Variants in TMEM132D observed in about 807,000 individuals in gnomAD.
The protein encoded by TMEM132D is transmembrane protein 132D.
Under a neutral mutation model 62.3 loss-of-function variants are expected in TMEM132D, and 21 were observed. The observed-to-expected ratio is 0.34, with a 90% CI of 0.24 to 0.49. The LOEUF is 0.49. Ranked by LOEUF, TMEM132D falls within the 20% of genes least tolerant of loss-of-function variation. The pLI is 0.99. For missense variants in TMEM132D, 1,346 were observed against 1,402.8 expected, an observed-to-expected ratio of 0.96 and a Z score of 0.65; for synonymous variants, 621 against 575.6, an observed-to-expected ratio of 1.08 and a Z score of -1.13.
At chr12:129,140,912 G>C (rs138853819) in intron 5 of TMEM132D, among the ~76,000 whole-genome samples, 1 of 152,016 alleles carries the variant, frequency 6.6e-6, no homozygotes, top group Non-Finnish European at 1.5e-5. Context: ...TTCTGATCGC[G>C]AGGAAGCATT....
chr12:129,495,687 G>T (rs1255856046), intron 3 of TMEM132D, among the ~76,000 whole-genome samples: 1 of 152,140 alleles, frequency 6.6e-6, no homozygotes, highest in African/African-American at 2.4e-5. Flanking sequence ...TGTGAGCAAT[G>T]GGTATGTCAC....
chr12:129,868,967 T>C (rs1173069901), intron 1 of TMEM132D, among the ~76,000 whole-genome samples: 4 of 152,052 alleles, frequency 2.6e-5, no homozygotes, highest in African/African-American at 4.8e-5. Flanking sequence ...GAATCTGAAC[T>C]CTGCTTAGCA....
intron 3 of TMEM132D, among the ~76,000 whole-genome samples, chr12:129,432,484 G>A (rs1872690340): frequency 6.6e-6 from 1 of 152,252 alleles, no homozygotes; most frequent in Non-Finnish European, 1.5e-5. Context: ...AGACATAGCA[G>A]TCATTTGCCA....
intron 4 of TMEM132D, among the ~76,000 whole-genome samples, chr12:129,270,972 C>T (rs575495847): frequency 6.6e-6 from 1 of 152,290 alleles, no homozygotes; most frequent in South Asian, 2.1e-4. Context: ...AATGTTCCTG[C>T]CACCTGTGGT....
At position 129,610,346 on chromosome 12, in the gene TMEM132D, A is replaced by G. The variant is rs1481746030; in HGVS notation, c.969-79141T>C. On this transcript the variant is annotated intron_variant, in intron 2 of 8. Transcript: ENST00000422113. ...GTACATTATTGAATTGATTGAATTG[A>G]CACGTGCATTATACATTCTTCTATC... 3.3e-5 allele frequency among the ~76,000 whole-genome samples: 5 copies of G among 151,998 alleles called. No individual in the cohort carries two copies. The East Asian group carries it at 9.6e-4, about 29-fold the overall frequency.
Position 129,078,543 on chromosome 12 carries a change from C to T in TMEM132D, c.2106G>A (p.Arg702=), listed in dbSNP as rs2135610958. Residue 702 remains arginine, a synonymous_variant, in exon 8 of 9, where the codon AGG becomes AGA. Transcript: ENST00000422113. ...ATAVAQELLQ[R]PKQEAAISCW... ...AAGCCCTCCTCCATACCTGTTTTGG[C>T]CTCTGCAGAAGTTCCTGAGCCACTG... 1.2e-6 allele frequency: 2 copies of T among 1,613,446 alleles called. No individual in the cohort carries two copies. Among genetic ancestry groups the T allele is most frequent in the Admixed American group, 1.7e-5 (1 of 60,014 alleles).
chr12:129,308,472 A>T (rs902104688), intron 4 of TMEM132D, among the ~76,000 whole-genome samples: 2 of 152,196 alleles, frequency 1.3e-5, no homozygotes, highest in African/African-American at 2.4e-5. Flanking sequence ...AGGGCAATTC[A>T]TTAATTAATT....
At chr12:129,712,936 T>C (rs545884402) in intron 1 of TMEM132D, among the ~76,000 whole-genome samples, 1 of 152,118 alleles carries the variant, frequency 6.6e-6, no homozygotes, top group Non-Finnish European at 1.5e-5. Flanking sequence ...CCAAGTGACC[T>C]TAGTGCCATC....
intron 3 of TMEM132D, among the ~76,000 whole-genome samples, chr12:129,482,817 T>C (rs946489464): frequency 3.3e-5 from 5 of 152,150 alleles, no homozygotes; most frequent in Admixed American, 1.3e-4. Flanking sequence ...AAAAGTTTCA[T>C]TAGCCTTTTT....
At chr12:129,788,384 T>C (rs996030427) in intron 1 of TMEM132D, among the ~76,000 whole-genome samples, 3 of 152,244 alleles carry the variant, frequency 2.0e-5, no homozygotes, top group Non-Finnish European at 1.5e-5. Flanking sequence ...CAAATGCATA[T>C]TGTTTAGTTG....
Position 129,142,016 on chromosome 12 carries a change from T to C in TMEM132D, c.1444-57314A>G, listed in dbSNP as rs373055779. The stretch of plus-strand genomic sequence containing the variant: ...TAACAATATTAAATATATATATAAA[T>C]ATATATATTTTTAAAAAATAGACTG... On this transcript the variant is annotated intron_variant, in intron 5 of 8. Coordinates refer to ENST00000422113, the MANE Select transcript of TMEM132D (RefSeq NM_133448.3). 6.1e-5 allele frequency among the ~76,000 whole-genome samples: 9 copies of C among 148,180 alleles called. No individual in the cohort carries two copies. In the East Asian group the frequency reaches 1.8e-3, roughly 29 times the overall value.
chr12:129,695,159 C>T (rs7958836), intron 2 of TMEM132D, among the ~76,000 whole-genome samples: 99,533 of 152,152 alleles, frequency 0.65, 33,072 homozygotes, highest in East Asian at 0.8. Flanking sequence ...CTGAAGTTTT[C>T]CTTTGAACAG....
At chr12:129,117,284 G>A (rs935279028) in intron 5 of TMEM132D, among the ~76,000 whole-genome samples, 3 of 151,906 alleles carry the variant, frequency 2.0e-5, no homozygotes, top group Non-Finnish European at 4.4e-5. Flanking sequence ...GGAGGGGGGA[G>A]GAATGAATAG....
Position 129,651,035 on chromosome 12 carries a change from T to C in TMEM132D, c.968+48775A>G, listed in dbSNP as rs542652863. ...TCAAAATATGTTATAAGCATCTGAC[T>C]GTGGTGTTCCTTATCTATTTATCAA... On this transcript the variant is annotated intron_variant, in intron 2 of 8. Transcript: ENST00000422113. Among the ~76,000 whole-genome samples, 6 of 152,342 alleles carry C rather than the reference T, an allele frequency of 3.9e-5. No individual in the cohort carries two copies. The South Asian group carries it at 1.2e-3, about 32-fold the overall frequency.
intron 4 of TMEM132D, among the ~76,000 whole-genome samples, chr12:129,216,981 G>A (rs1013143157): frequency 3.3e-5 from 5 of 152,166 alleles, no homozygotes; most frequent in South Asian, 2.1e-4. Flanking sequence ...TTTTTGTAAC[G>A]GGAAAAAACA....
At chr12:129,377,284 G>T (rs1281047156) in intron 3 of TMEM132D, among the ~76,000 whole-genome samples, 1 of 152,068 alleles carries the variant, frequency 6.6e-6, no homozygotes, top group Admixed American at 6.6e-5. Context: ...CCAGCCTCCA[G>T]AACTGTGAGA....
chr12:129,708,537 C>A (rs1881557577), intron 1 of TMEM132D, among the ~76,000 whole-genome samples: 1 of 151,018 alleles, frequency 6.6e-6, no homozygotes, highest in East Asian at 2.0e-4. Flanking sequence ...GCAGCTGCCA[C>A]CCCCAGCCCA....
chr12:129,760,117 G>A (rs889451283), intron 1 of TMEM132D, among the ~76,000 whole-genome samples: 1 of 151,950 alleles, frequency 6.6e-6, no homozygotes, highest in African/African-American at 2.4e-5. Flanking sequence ...ATGCTTTCCA[G>A]GCTGGCCTCG....
At chr12:129,773,141 G>C (rs7967540) in intron 1 of TMEM132D, among the ~76,000 whole-genome samples, 131,175 of 152,320 alleles carry the variant, frequency 0.86, 56,508 homozygotes, top group Middle Eastern at 0.91. Context: ...CATTCCATTC[G>C]TAGGGATTCA....
Sources: allele counts gnomAD v4.1 joint callset (sites outside exome capture counted in the v4.1 genomes callset), GRCh38; gene constraint gnomAD v4.1.1; transcripts MANE v1.5; gene names NCBI Gene and HGNC (gene_info 2026-07-23, HGNC 2026-07-21).